Variants in CHRNA9 observed in about 807,000 individuals in gnomAD.
CHRNA9 encodes the protein cholinergic receptor nicotinic alpha 9 subunit, also known as neuronal acetylcholine receptor subunit alpha-9.
CHRNA9 carries 24 observed loss-of-function variants against 36.8 expected under a neutral mutation model. The ratio of observed to expected loss-of-function variants is 0.65; its 90% confidence interval spans 0.47 to 0.92. CHRNA9 has a LOEUF of 0.92. Among genes scored for constraint, CHRNA9 ranks in the 40% least tolerant of loss-of-function variants. The pLI, the probability that CHRNA9 is intolerant of heterozygous loss-of-function variation, is 0.00. For missense variants in CHRNA9, 610 were observed against 601.2 expected, an observed-to-expected ratio of 1.01 and a Z score of -0.15; for synonymous variants, 231 against 231.8, an observed-to-expected ratio of 1.00 and a Z score of 0.03.
At chr4:40,349,619 G>C (rs1046858181) in intron 4 of CHRNA9, 1 of 552,388 alleles carries the variant, frequency 1.8e-6, no homozygotes, top group African/African-American at 1.9e-5. Context: ...ATGGTCTCTG[G>C]GTTTACACGA....
chr4:40,353,351 C>T (rs186565612), intron 4 of CHRNA9, among the ~76,000 whole-genome samples: 5 of 152,154 alleles, frequency 3.3e-5, no homozygotes, highest in African/African-American at 9.6e-5. Flanking sequence ...ATTAGCCGGG[C>T]GTAGTGGTGG....
intron 3 of CHRNA9, among the ~76,000 whole-genome samples, chr4:40,346,774 T>TA (rs909140303): frequency 2.6e-5 from 4 of 152,042 alleles, no homozygotes; most frequent in African/African-American, 9.7e-5. Context: ...GCCTGTTCTT[T>TA]AAAAAATATA....
chr4:40,351,247 A>C (rs1255002938), intron 4 of CHRNA9, among the ~76,000 whole-genome samples: 1 of 151,420 alleles, frequency 6.6e-6, no homozygotes, highest in African/African-American at 2.4e-5. Context: ...CAGGAGAATC[A>C]CTTGAACCCA....
At chr4:40,339,814 C>T (rs906143543) in intron 3 of CHRNA9, among the ~76,000 whole-genome samples, 1 of 151,512 alleles carries the variant, frequency 6.6e-6, no homozygotes, top group Non-Finnish European at 1.5e-5. Flanking sequence ...AGGTGCATGC[C>T]ACCATGCCTA....
intron 3 of CHRNA9, among the ~76,000 whole-genome samples, chr4:40,342,419 T>A (rs1259552639): frequency 6.6e-6 from 1 of 152,024 alleles, no homozygotes; most frequent in Non-Finnish European, 1.5e-5. Flanking sequence ...GAACTACTCA[T>A]GGAAGGAAAG....
At position 40,354,176 on chromosome 4, in the gene CHRNA9, G is replaced by A. The variant is rs755787195; in HGVS notation, c.1096G>A (p.Glu366Lys). ...ESCLSPHHSR[E>K]RDHLTKVYSK... ...CTGCCTCAGCCCGCACCACAGTAGA[G>A]AGCGGGACCACCTCACGAAAGTTTA... is the stretch of plus-strand genomic sequence containing the variant. Residue 366 changes from glutamate (E) to lysine (K), a missense_variant, in exon 5 of 5, where the codon GAG becomes AAG. Physicochemically the swap from Glu to Lys is moderately conservative, Grantham distance 56. Transcript: ENST00000310169. 2.2e-5 allele frequency: 36 copies of A among 1,614,084 alleles called. No individual in the cohort carries two copies. The South Asian group carries it at 4.0e-4, about 18-fold the overall frequency.
chr4:40,352,396 T>C (rs1305291987), intron 4 of CHRNA9, among the ~76,000 whole-genome samples: 1 of 152,122 alleles, frequency 6.6e-6, no homozygotes, highest in Non-Finnish European at 1.5e-5. Context: ...TAATGTTTTT[T>C]ATATTTTTAG....
chr4:40,348,226 G>A (rs1423457665), intron 3 of CHRNA9: 4 of 152,480 alleles, frequency 2.6e-5, no homozygotes, highest in Admixed American at 2.6e-4. Context: ...CACTTCCTCT[G>A]CCTTGCAATG....
intron 4 of CHRNA9, among the ~76,000 whole-genome samples, chr4:40,350,713 C>CAT (rs1712775873): frequency 6.6e-6 from 1 of 151,560 alleles, no homozygotes; most frequent in South Asian, 2.1e-4. Context: ...CACACACACA[C>CAT]ACACACACAC....
In CHRNA9 at chr4:40,335,917, C is replaced by T. The variant is rs1257784864; in HGVS notation, c.155C>T (p.Thr52Ile). 1 of 1,612,346 alleles carries T rather than the reference C, an allele frequency of 6.2e-7. No individual in the cohort carries two copies. Among genetic ancestry groups the T allele is most frequent in the South Asian group, 1.1e-5 (1 of 91,056 alleles). Residue 52 changes from threonine to isoleucine, a missense_variant, in exon 2 of 5, where the codon ACA becomes ATA. By Grantham distance (89) the Thr-to-Ile change is moderately conservative. Transcript: ENST00000310169. Reference sequence around the variant, plus strand: ...AATGCTCTTCGTCCAGTGGAAGATACAGATAAAGTCCTGAATGTGACCCTG... The same window carrying T: ...AATGCTCTTCGTCCAGTGGAAGATATAGATAAAGTCCTGAATGTGACCCTG... Reference protein sequence around the residue: ...YSNALRPVEDTDKVLNVTLQI... With the variant: ...YSNALRPVEDIDKVLNVTLQI...
At position 40,335,475 on chromosome 4, in the gene CHRNA9, G is replaced by A. The variant is rs770695447; in HGVS notation, c.8G>A (p.Trp3Ter). 1 of 1,612,994 alleles carries A rather than the reference G, an allele frequency of 6.2e-7. No homozygotes were observed. The highest frequency in any genetic ancestry group is 1.1e-5 in the South Asian group (1 of 91,070). Residue 3 changes from tryptophan to a stop codon, truncating the protein, a stop_gained, in exon 1 of 5, where the codon TGG (tryptophan) becomes TAG (stop). Coordinates refer to ENST00000310169, the MANE Select transcript of CHRNA9 (RefSeq NM_017581.4). LOFTEE classifies it high-confidence loss of function. MN[W>*]SHSCISFCWI... ...TAGAGGCTCAGGAAAAAGATGAACT[G>A]GTCCCATTCCTGCATCTCCTTTTGC...
intron 3 of CHRNA9, among the ~76,000 whole-genome samples, chr4:40,340,740 C>G (rs995595235): frequency 1.3e-5 from 2 of 152,014 alleles, no homozygotes; most frequent in African/African-American, 4.8e-5. Context: ...GTGCCCAAAT[C>G]CATGGGGCTA....
At chr4:40,339,161 C>G (rs978849191) in intron 3 of CHRNA9, among the ~76,000 whole-genome samples, 1 of 151,168 alleles carries the variant, frequency 6.6e-6, no homozygotes, top group Non-Finnish European at 1.5e-5. Context: ...CGCCTGTAAT[C>G]CCAGCTACTT....
At chr4:40,337,144 T>C (rs1325860506) in intron 2 of CHRNA9, 66 bp from the exon 3 acceptor site, 1 of 1,433,936 alleles carries the variant, frequency 7.0e-7, no homozygotes, top group Non-Finnish European at 9.8e-7. Flanking sequence ...GAAGAACAAG[T>C]GTCCTATCAG....
In CHRNA9 at chr4:40,335,363, C is replaced by A; in HGVS notation, c.-105C>A. ...AAGCCTGAGCTCTCCCGCCATAAGG[C>A]TGCAGCGGTGTGGGCTCCTTGTGCC... On this transcript the variant is annotated 5_prime_UTR_variant, in exon 1 of 5. In the 5' UTR this introduces an upstream ATG that the reference lacks. Transcript: ENST00000310169. 1 of 860,034 alleles carries A rather than the reference C, an allele frequency of 1.2e-6. No homozygotes were observed. The highest frequency in any genetic ancestry group is 2.0e-6 in the Non-Finnish European group (1 of 505,014). The allele number at this position is 860,034 out of a possible 1,614,324, so 53.3% of individuals were successfully genotyped here. A position where few individuals can be genotyped will look rare whatever the true frequency, so the allele number is the denominator to read the frequency against.
chr4:40,348,892 G>A lies in CHRNA9; in HGVS notation c.376G>A (p.Glu126Lys), dbSNP rs778152252. 2 of 1,611,192 alleles carry A rather than the reference G, an allele frequency of 1.2e-6. No homozygotes were observed. The highest frequency in any genetic ancestry group is 1.7e-5 in the Admixed American group (1 of 59,982). ...TTATCTGACCTTCAGGGCTGATGAT[G>A]AATCTTCAGAGCCTGTGAACACCAA... ...DIVLYNKADDESSEPVNTNVV... is the reference protein window; with the variant it reads ...DIVLYNKADDKSSEPVNTNVV... The change falls in exon 4 of 5, where the codon GAA becomes AAA. Residue 126 changes from glutamate (E) to lysine (K), a missense_variant. Transcript: ENST00000310169.
chr4:40,341,273 G>GATTTTTTTTTT (rs1268686237), intron 3 of CHRNA9, among the ~76,000 whole-genome samples: 1 of 127,046 alleles, frequency 7.9e-6, no homozygotes, highest in Non-Finnish European at 1.7e-5. Context: ...TTCATGGTCA[G>GATTTTTTTTTT]GTTTTTTTTT....
chr4:40,343,775 G>C (rs1199772280), intron 3 of CHRNA9, among the ~76,000 whole-genome samples: 1 of 152,198 alleles, frequency 6.6e-6, no homozygotes, highest in East Asian at 1.9e-4. Flanking sequence ...GAAACAGAGG[G>C]AAGGGGAAGA....
chr4:40,342,839 A>G (rs748952506), intron 3 of CHRNA9, among the ~76,000 whole-genome samples: 8 of 148,310 alleles, frequency 5.4e-5, no homozygotes, highest in Non-Finnish European at 1.2e-4. Context: ...GGGGCCAGAG[A>G]GAAGAAGAGG....
Sources: allele counts gnomAD v4.1 joint callset (sites outside exome capture counted in the v4.1 genomes callset), GRCh38; gene constraint gnomAD v4.1.1; transcripts MANE v1.5; gene names NCBI Gene and HGNC (gene_info 2026-07-23, HGNC 2026-07-21).